Variants in ANKRD18A observed in about 807,000 individuals in gnomAD.
ANKRD18A encodes ankyrin repeat domain-containing protein 18A.
In ANKRD18A, 72 loss-of-function variants were observed where a neutral mutation model predicts 110.6. The observed-to-expected ratio is 0.65, with a 90% CI of 0.54 to 0.79. The LOEUF is 0.79. Among genes scored for constraint, ANKRD18A ranks in the 30% least tolerant of loss-of-function variants. The pLI, the probability that ANKRD18A is intolerant of heterozygous loss-of-function variation, is 0.00. For synonymous variants in ANKRD18A, 305 were observed against 410.3 expected (o/e 0.74, Z 3.10); for missense variants, 934 against 1,163.3 (o/e 0.80, Z 2.87).
chr9:38,617,096 C>T (rs900880742), intron 1 of ANKRD18A, among the ~76,000 whole-genome samples: 1 of 152,132 alleles, frequency 6.6e-6, no homozygotes, highest in Non-Finnish European at 1.5e-5. Flanking sequence ...GGAAAGAGCA[C>T]TGAAATAACA....
intron 10 of ANKRD18A, among the ~76,000 whole-genome samples, chr9:38,591,650 G>A (rs1824653983): frequency 6.6e-6 from 1 of 152,194 alleles, no homozygotes; most frequent in Non-Finnish European, 1.5e-5. Context: ...TCCAATGGAA[G>A]TGGCCTTCTA....
intron 3 of ANKRD18A, among the ~76,000 whole-genome samples, chr9:38,611,882 C>A (rs1825636348): frequency 6.6e-6 from 1 of 152,188 alleles, no homozygotes; most frequent in Non-Finnish European, 1.5e-5. Context: ...ATCTAGAAAT[C>A]CCTTGAACTT....
chr9:38,595,531 T>G lies in ANKRD18A; in HGVS notation c.1809A>C (p.Leu603Phe). Residue 603 changes from leucine to phenylalanine, a missense_variant, in exon 9 of 16, where the codon TTA (leucine) becomes TTC (phenylalanine). Leu to Phe is a conservative substitution (Grantham distance 22). Transcript: ENST00000399703. Reference sequence around the variant, plus strand: ...TTTCACACTGAAGCAGTTTTTCTTTTAAATAATTATATTCTTTCATTAATT... The same window carrying G: ...TTTCACACTGAAGCAGTTTTTCTTTGAAATAATTATATTCTTTCATTAATT... ...NKELMKEYNY[L>F]KEKLLQCEKE... 6.6e-7 allele frequency: 1 copy of G among 1,506,362 alleles called. No homozygotes were observed. Among genetic ancestry groups the G allele is most frequent in the Non-Finnish European group, 8.9e-7 (1 of 1,129,054 alleles). 93.3% of individuals were successfully genotyped at this position (1,506,362 alleles called of 1,614,324 possible). A position where few individuals can be genotyped will look rare whatever the true frequency, so the allele number is the denominator to read the frequency against.
intron 1 of ANKRD18A, among the ~76,000 whole-genome samples, chr9:38,618,387 C>T (rs898313734): frequency 3.3e-5 from 5 of 152,176 alleles, no homozygotes; most frequent in Non-Finnish European, 5.9e-5. Flanking sequence ...TCCTCACTGG[C>T]TGTAACAAAA....
At chr9:38,591,366 G>C (rs1824641102) in intron 10 of ANKRD18A, among the ~76,000 whole-genome samples, 1 of 152,166 alleles carries the variant, frequency 6.6e-6, no homozygotes, top group Non-Finnish European at 1.5e-5. Context: ...GTGCGACCTT[G>C]AGCAAATTAA....
intron 15 of ANKRD18A, among the ~76,000 whole-genome samples, chr9:38,573,713 C>CA (rs1164751682): frequency 5.5e-5 from 8 of 144,844 alleles, no homozygotes; most frequent in East Asian, 4.0e-4. Flanking sequence ...AACTCCATCT[C>CA]AAAAAAAAGA....
chr9:38,576,444 G>C (rs980757300), intron 14 of ANKRD18A, among the ~76,000 whole-genome samples: 2 of 152,120 alleles, frequency 1.3e-5, no homozygotes, highest in African/African-American at 4.8e-5. Flanking sequence ...GGCTGAAAAA[G>C]GTGTTATTTT....
At chr9:38,592,726 A>G (rs1824707115) in intron 10 of ANKRD18A, among the ~76,000 whole-genome samples, 1 of 152,106 alleles carries the variant, frequency 6.6e-6, no homozygotes, top group Admixed American at 6.6e-5. Context: ...TGTAGCCATG[A>G]AATAGACTAT....
chr9:38,620,509 G>T lies in ANKRD18A; in HGVS notation c.-224C>A. 6.4e-6 allele frequency: 9 copies of T among 1,401,658 alleles called. No homozygotes were observed. The highest frequency in any genetic ancestry group is 8.4e-6 in the Non-Finnish European group (9 of 1,077,528). 86.8% of individuals were successfully genotyped at this position (1,401,658 alleles called of 1,614,324 possible). ...ACCACAGCCTTCAGCAGCGACACTCGCAGACTCCGACCTCTCAGACCGAGT... is the reference window on the plus strand; with the variant it reads ...ACCACAGCCTTCAGCAGCGACACTCTCAGACTCCGACCTCTCAGACCGAGT... On this transcript the variant is annotated 5_prime_UTR_variant, in exon 1 of 16. Coordinates refer to ENST00000399703, the MANE Select transcript of ANKRD18A (RefSeq NM_147195.4).
chr9:38,620,271 G>A lies in ANKRD18A; in HGVS notation c.15C>T (p.Phe5=). Residue 5 remains phenylalanine (F), a synonymous_variant, in exon 1 of 16, where the codon TTC becomes TTT. Transcript: ENST00000399703. ...CCTGGCCCAGGCGTCTCCCGAAGCTGAAGAGCTTCCTCATGGTGGCGACTT... is the reference window on the plus strand; with the variant it reads ...CCTGGCCCAGGCGTCTCCCGAAGCTAAAGAGCTTCCTCATGGTGGCGACTT... MRKL[F]SFGRRLGQAL... is the part of the protein sequence containing the mutation. The A allele has an allele frequency of 1.9e-6, 3 of 1,551,042 alleles. No homozygotes were observed. The South Asian group carries it at 3.6e-5, about 18-fold the overall frequency.
downstream of ANKRD18A, chr9:38,568,849 G>A (rs1376920475): frequency 1.0e-5 from 10 of 985,298 alleles, no homozygotes; most frequent in South Asian, 3.8e-4. Context: ...GCCCAACTGG[G>A]CCAGGACCCT....
intron 6 of ANKRD18A, among the ~76,000 whole-genome samples, chr9:38,603,733 C>A (rs7859721): frequency 6.6e-6 from 1 of 152,062 alleles, no homozygotes; most frequent in Admixed American, 6.6e-5. Context: ...ATACCCTGAA[C>A]AGAATGCCCT....
chr9:38,574,838 G>C (rs1053179449), intron 15 of ANKRD18A, among the ~76,000 whole-genome samples: 1 of 152,104 alleles, frequency 6.6e-6, no homozygotes, highest in African/African-American at 2.4e-5. Flanking sequence ...GCTCACCCCT[G>C]TAATCCCAGC....
chr9:38,582,216 C>A lies in ANKRD18A; in HGVS notation c.2247+3967G>T, dbSNP rs1188078431. On this transcript the variant is annotated intron_variant, in intron 12 of 15. Coordinates refer to ENST00000399703, the MANE Select transcript of ANKRD18A (RefSeq NM_147195.4). ...TAGTAGACTATTTCAGCAGATACTG[C>A]GACCAAAATTTACTGAAAATGAAAC... Among the ~76,000 whole-genome samples the A allele has an allele frequency of 2.6e-5, 4 of 151,972 alleles. No individual in the cohort carries two copies. The East Asian group carries it at 7.7e-4, about 29-fold the overall frequency.
intron 4 of ANKRD18A, 132 bp downstream of exon 4, chr9:38,611,083 A>C: frequency 1.4e-6 from 2 of 1,421,366 alleles, no homozygotes; most frequent in Non-Finnish European, 1.8e-6. Context: ...CTGATTATTC[A>C]TGTTACTTTT....
chr9:38,588,977 G>C (rs959987433), intron 10 of ANKRD18A, among the ~76,000 whole-genome samples: 2 of 152,186 alleles, frequency 1.3e-5, no homozygotes, highest in African/African-American at 4.8e-5. Context: ...TTACATTTTA[G>C]TTTTTAAAGA....
At chr9:38,572,861 T>C in intron 15 of ANKRD18A, 1 of 248,798 alleles carries the variant, frequency 4.0e-6, no homozygotes. Flanking sequence ...ATGGATCCAC[T>C]TCTTGGGAAT....
chr9:38,596,234 A>G lies in ANKRD18A; in HGVS notation c.1106T>C (p.Phe369Ser). The G allele has an allele frequency of 6.5e-7, 1 of 1,535,172 alleles. No individual in the cohort carries two copies. Among genetic ancestry groups the G allele is most frequent in the South Asian group, 1.3e-5 (1 of 79,368 alleles). ...TTCATTGAGTCTTACACTCTTTTCA[A>G]AGTTAGCATTTATTTCTGTAATGCT... Reference protein sequence around the residue: ...IKSITEINANFEKSVRLNEKM... With the variant: ...IKSITEINANSEKSVRLNEKM... The change falls in exon 9 of 16, where the codon TTT (phenylalanine) becomes TCT (serine). Residue 369 changes from phenylalanine (F) to serine (S), a missense_variant. Phe to Ser is a radical substitution (Grantham distance 155). Coordinates refer to ENST00000399703, the MANE Select transcript of ANKRD18A (RefSeq NM_147195.4).
At chr9:38,602,524 A>G (rs1825163826) in intron 7 of ANKRD18A, among the ~76,000 whole-genome samples, 1 of 152,224 alleles carries the variant, frequency 6.6e-6, no homozygotes, top group Non-Finnish European at 1.5e-5. Context: ...CTGCAGATGG[A>G]GAATTGGGCA....
Sources: gnomAD v4.1 joint callset for allele counts (sites outside exome capture counted in the v4.1 genomes callset) on GRCh38, gnomAD v4.1.1 for gene constraint, MANE v1.5 for transcripts, NCBI Gene and HGNC (gene_info 2026-07-23, HGNC 2026-07-21) for gene names.